Variants in PHACTR3 observed in about 807,000 individuals in gnomAD.
PHACTR3 encodes the protein protein phosphatase 1, regulatory subunit 123.
A neutral mutation model predicts 66.8 loss-of-function variants in PHACTR3; 16 were observed. The observed-to-expected ratio is 0.24, with a 90% CI of 0.16 to 0.36. The LOEUF (loss-of-function observed/expected upper bound fraction) is 0.36, where lower values mean the gene tolerates loss of function less well. PHACTR3 is among the 10% of genes least tolerant of loss of function. The pLI, the probability that PHACTR3 is intolerant of heterozygous loss-of-function variation, is 1.00. For synonymous variants in PHACTR3, 323 were observed against 292.1 expected (o/e 1.11, Z -1.08); for missense variants, 647 against 719.9 (o/e 0.90, Z 1.16).
At chr20:59,716,279 T>C (rs1415776749) in intron 1 of PHACTR3, among the ~76,000 whole-genome samples, 3 of 146,254 alleles carry the variant, frequency 2.1e-5, no homozygotes, top group African/African-American at 5.0e-5. Context: ...CAGAGTCTCG[T>C]TCTGTTGCCC....
intron 1 of PHACTR3, among the ~76,000 whole-genome samples, chr20:59,639,556 T>C (rs1036969295): frequency 5.9e-5 from 9 of 152,180 alleles, no homozygotes; most frequent in Non-Finnish European, 1.2e-4. Flanking sequence ...AAAGAGAATA[T>C]TCATAAAGCT....
At chr20:59,733,686 G>A (rs985340036) in intron 1 of PHACTR3, among the ~76,000 whole-genome samples, 3 of 152,122 alleles carry the variant, frequency 2.0e-5, no homozygotes, top group East Asian at 1.9e-4. Context: ...CCACTCTGTC[G>A]CTAACTAGCA....
chr20:59,825,423 C>T (rs1169664960), intron 8 of PHACTR3, among the ~76,000 whole-genome samples: 1 of 152,170 alleles, frequency 6.6e-6, no homozygotes, highest in Non-Finnish European at 1.5e-5. Flanking sequence ...CATTCATTCA[C>T]TCGTTCATTC....
chr20:59,709,965 G>A (rs947554439), intron 1 of PHACTR3, among the ~76,000 whole-genome samples: 1 of 152,080 alleles, frequency 6.6e-6, no homozygotes, highest in Non-Finnish European at 1.5e-5. Flanking sequence ...TGTGTATTTT[G>A]TCATCTGGTC....
intron 1 of PHACTR3, among the ~76,000 whole-genome samples, chr20:59,708,777 C>T (rs1427886646): frequency 1.3e-5 from 2 of 152,160 alleles, no homozygotes; most frequent in Non-Finnish European, 2.9e-5. Flanking sequence ...TCTGCCCCCA[C>T]CATCAAACAC....
chr20:59,658,148 A>T (rs2035685158), intron 1 of PHACTR3, among the ~76,000 whole-genome samples: 1 of 152,110 alleles, frequency 6.6e-6, no homozygotes, highest in African/African-American at 2.4e-5. Context: ...TATAATTTAC[A>T]TTAGATTATT....
At chr20:59,584,246 T>C (rs1335308115) in intron 1 of PHACTR3, among the ~76,000 whole-genome samples, 3 of 151,238 alleles carry the variant, frequency 2.0e-5, no homozygotes, top group African/African-American at 7.3e-5. Flanking sequence ...GTGTGCCTGA[T>C]TGTGTGTGTG....
Position 59,594,069 on chromosome 20 carries a change from G to A in PHACTR3, c.109+16452G>A, listed in dbSNP as rs80180933. ...GACTGAGATTGCATTGAATTTACGG[G>A]TCAAATAGAGAAGAACTGACATCTT... On this transcript the variant is annotated intron_variant, in intron 1 of 12. Transcript: ENST00000359926. Among the ~76,000 whole-genome samples, 875 of 152,290 alleles carry A rather than the reference G, an allele frequency of 5.7e-3. 8 individuals are homozygous for A. Among genetic ancestry groups the A allele is most frequent in the African/African-American group, 0.02 (821 of 41,554 alleles).
chr20:59,768,288 C>T (rs140286657), intron 5 of PHACTR3, among the ~76,000 whole-genome samples: 6 of 152,252 alleles, frequency 3.9e-5, no homozygotes, highest in Non-Finnish European at 5.9e-5. Context: ...TAAAGCCTTG[C>T]GTGCTGTCTT....
chr20:59,641,478 G>T (rs888937953), intron 1 of PHACTR3, among the ~76,000 whole-genome samples: 1 of 152,198 alleles, frequency 6.6e-6, no homozygotes, highest in Non-Finnish European at 1.5e-5. Context: ...TGATGATTCA[G>T]CTCGAAGACA....
At chr20:59,841,151 A>G (rs555962832) in intron 10 of PHACTR3, among the ~76,000 whole-genome samples, 2 of 152,300 alleles carry the variant, frequency 1.3e-5, no homozygotes, top group East Asian at 1.9e-4. Context: ...AGCTGGTGCT[A>G]TGTACTACTG....
intron 1 of PHACTR3, among the ~76,000 whole-genome samples, chr20:59,637,930 G>T (rs1302370978): frequency 6.6e-6 from 1 of 152,154 alleles, no homozygotes. Context: ...CCTCATGAGA[G>T]CTCTAAGAGA....
intron 1 of PHACTR3, among the ~76,000 whole-genome samples, chr20:59,620,430 G>A (rs190434780): frequency 1.3e-4 from 20 of 152,244 alleles, no homozygotes; most frequent in Admixed American, 6.5e-4. Flanking sequence ...CGTGGCACGC[G>A]GCCAGCATGT....
chr20:59,578,272 T>G (rs2032772414), intron 1 of PHACTR3, among the ~76,000 whole-genome samples: 1 of 152,202 alleles, frequency 6.6e-6, no homozygotes, highest in African/African-American at 2.4e-5. Flanking sequence ...TCAGGCCTCC[T>G]GGTGACAAGG....
intron 1 of PHACTR3, among the ~76,000 whole-genome samples, chr20:59,714,617 A>C (rs2038028635): frequency 6.6e-6 from 1 of 152,210 alleles, no homozygotes; most frequent in Non-Finnish European, 1.5e-5. Context: ...GATAGTGGAA[A>C]TCCTACCACT....
intron 1 of PHACTR3, among the ~76,000 whole-genome samples, chr20:59,713,923 G>T (rs1200603010): frequency 6.6e-6 from 1 of 152,172 alleles, no homozygotes; most frequent in East Asian, 1.9e-4. Context: ...GATACTGTCA[G>T]CTTTTTCTAA....
intron 1 of PHACTR3, among the ~76,000 whole-genome samples, chr20:59,595,649 T>C (rs1372859547): frequency 1.3e-5 from 2 of 152,188 alleles, no homozygotes; most frequent in African/African-American, 4.8e-5. Context: ...GATTTTCTGC[T>C]TGATGGGTCT....
At chr20:59,670,610 G>C (rs561583824) in intron 1 of PHACTR3, among the ~76,000 whole-genome samples, 87 of 137,290 alleles carry the variant, frequency 6.3e-4, no homozygotes, top group African/African-American at 1.5e-3. Flanking sequence ...GGGGGTGGGG[G>C]GGGGGGGCAG....
intron 8 of PHACTR3, among the ~76,000 whole-genome samples, chr20:59,818,506 A>G (rs1244235259): frequency 6.6e-6 from 1 of 152,246 alleles, no homozygotes; most frequent in African/African-American, 2.4e-5. Flanking sequence ...AGGGCTTCCA[A>G]CATACTCATA....
Sources: allele counts gnomAD v4.1 joint callset (sites outside exome capture counted in the v4.1 genomes callset), GRCh38; gene constraint gnomAD v4.1.1; transcripts MANE v1.5; gene names NCBI Gene and HGNC (gene_info 2026-07-23, HGNC 2026-07-21).